FBXL20: variants seen among roughly 807,000 people sequenced by gnomAD.
FBXL20 encodes the protein F-box and leucine rich repeat protein 20.
Under a neutral mutation model 64.0 loss-of-function variants are expected in FBXL20, and 11 were observed. That is an observed-to-expected ratio of 0.17 (90% CI 0.11 to 0.28). FBXL20 has a LOEUF of 0.28. Among genes scored for constraint, FBXL20 ranks in the 10% least tolerant of loss-of-function variants. The pLI, the probability that FBXL20 is intolerant of heterozygous loss-of-function variation, is 1.00. For synonymous variants in FBXL20, 184 were observed against 189.0 expected (o/e 0.97, Z 0.22); for missense variants, 303 against 526.2 (o/e 0.58, Z 4.15).
At chr17:39,360,542 C>T (rs1453165155) in intron 1 of FBXL20, among the ~76,000 whole-genome samples, 2 of 152,106 alleles carry the variant, frequency 1.3e-5, no homozygotes, top group African/African-American at 4.8e-5. Flanking sequence ...CTTTTCTCTA[C>T]ATGGTTTGGG....
At chr17:39,388,717 C>CG (rs1466284536) in intron 1 of FBXL20, among the ~76,000 whole-genome samples, 1 of 150,852 alleles carries the variant, frequency 6.6e-6, no homozygotes, top group East Asian at 2.0e-4. Context: ...CTCTTGACCT[C>CG]GCGATCCACC....
intron 10 of FBXL20, among the ~76,000 whole-genome samples, chr17:39,273,069 C>T (rs1237360990): frequency 6.6e-6 from 1 of 152,110 alleles, no homozygotes; most frequent in Non-Finnish European, 1.5e-5. Flanking sequence ...GAGAGGGAGT[C>T]TCACTCTGCC....
At chr17:39,275,230 A>G (rs2046879173) in intron 9 of FBXL20, 130 bp from the exon 10 acceptor site, 1 of 949,914 alleles carries the variant, frequency 1.1e-6, no homozygotes, top group African/African-American at 1.7e-5. Flanking sequence ...TTCATCAGAT[A>G]GCAGACCTAA....
intron 2 of FBXL20, among the ~76,000 whole-genome samples, chr17:39,316,616 A>G (rs1178076856): frequency 6.6e-6 from 1 of 152,244 alleles, no homozygotes; most frequent in African/African-American, 2.4e-5. Context: ...AAACGAGAGC[A>G]ATGAATTACA....
chr17:39,282,920 A>C, intron 7 of FBXL20, 65 bp from the exon 8 acceptor site: 16 of 1,576,884 alleles, frequency 1.0e-5, no homozygotes, highest in Non-Finnish European at 1.3e-5. Context: ...CCAACGTCTC[A>C]ATTTATTGGC....
intron 2 of FBXL20, among the ~76,000 whole-genome samples, chr17:39,315,306 G>A (rs553178397): frequency 2.3e-4 from 35 of 151,360 alleles, no homozygotes; most frequent in Admixed American, 4.0e-4. Flanking sequence ...ATCTTTTCAC[G>A]TGCTTATTGA....
intron 1 of FBXL20, among the ~76,000 whole-genome samples, chr17:39,387,867 C>T (rs757031136): frequency 2.0e-5 from 3 of 152,080 alleles, no homozygotes; most frequent in Non-Finnish European, 4.4e-5. Flanking sequence ...CGTGAGTGAC[C>T]GCACCAGGCC....
intron 3 of FBXL20, among the ~76,000 whole-genome samples, chr17:39,302,523 G>A (rs760782930): frequency 5.9e-5 from 9 of 151,980 alleles, no homozygotes; most frequent in Admixed American, 4.6e-4. Flanking sequence ...ACAGGCATCC[G>A]CCTCCATGCC....
At chr17:39,325,873 G>T (rs1303199003) in intron 2 of FBXL20, among the ~76,000 whole-genome samples, 1 of 152,160 alleles carries the variant, frequency 6.6e-6, no homozygotes, top group Non-Finnish European at 1.5e-5. Flanking sequence ...GAAAAATCCT[G>T]ATATAGTTTG....
chr17:39,390,041 CAAT>C (rs1171051455), intron 1 of FBXL20, among the ~76,000 whole-genome samples: 1 of 152,060 alleles, frequency 6.6e-6, no homozygotes, highest in African/African-American at 2.4e-5. Flanking sequence ...ACAATGAGTA[CAAT>C]AATAGTTGCA....
chr17:39,271,839 T>C (rs1016821445), intron 10 of FBXL20, among the ~76,000 whole-genome samples: 1 of 152,156 alleles, frequency 6.6e-6, no homozygotes, highest in African/African-American at 2.4e-5. Flanking sequence ...CTGTGAAAAG[T>C]TGGGTGACCT....
intron 1 of FBXL20, among the ~76,000 whole-genome samples, chr17:39,391,111 C>CT (rs1327768162): frequency 6.6e-6 from 1 of 151,974 alleles, no homozygotes; most frequent in East Asian, 1.9e-4. Context: ...GTAAGTTCCT[C>CT]TAAAGCATTT....
In FBXL20 at chr17:39,392,653, G is replaced by C. The variant is rs188622570; in HGVS notation, c.42+8708C>G. Among the ~76,000 whole-genome samples, 50 of 152,176 alleles carry C rather than the reference G, an allele frequency of 3.3e-4. 1 individual carries two copies. The highest frequency in any genetic ancestry group is 3.4e-3 in the Middle Eastern group (1 of 294). On this transcript the variant is annotated intron_variant, in intron 1 of 14. Transcript: ENST00000264658. Reference sequence around the variant, plus strand: ...GCCACATATAATTCCTCACTCTGCAGATAGTAAGCCAAACATGAAGTGCCC... The same window carrying C: ...GCCACATATAATTCCTCACTCTGCACATAGTAAGCCAAACATGAAGTGCCC...
chr17:39,269,194 C>CT (rs556636525), intron 11 of FBXL20, among the ~76,000 whole-genome samples: 16 of 147,920 alleles, frequency 1.1e-4, no homozygotes, highest in African/African-American at 2.7e-4. Context: ...TATTTCTTTT[C>CT]TTTTTTTTTT....
intron 1 of FBXL20, among the ~76,000 whole-genome samples, chr17:39,396,071 G>GAAA (rs71300072): frequency 5.5e-5 from 6 of 108,954 alleles, no homozygotes; most frequent in Non-Finnish European, 1.1e-4. Flanking sequence ...AAGACTTTTC[G>GAAA]AAAAAAAAAA....
At chr17:39,393,723 T>C (rs922418770) in intron 1 of FBXL20, among the ~76,000 whole-genome samples, 2 of 152,210 alleles carry the variant, frequency 1.3e-5, no homozygotes, top group African/African-American at 4.8e-5. Context: ...GTTACTTACT[T>C]AGAGCTATAA....
Position 39,259,977 on chromosome 17 carries a change from G to A in FBXL20, c.*1483C>T, listed in dbSNP as rs991563957. On this transcript the variant is annotated 3_prime_UTR_variant, in exon 15 of 15. Coordinates refer to ENST00000264658, the MANE Select transcript of FBXL20 (RefSeq NM_032875.3). The stretch of plus-strand genomic sequence containing the variant: ...CCAGTCTGGGCAAGAGTGAGAACCC[G>A]TCTTAAAAAAAAAAAAAAAAAAAAA... 1.8e-5 allele frequency: 2 copies of A among 112,702 alleles called. No homozygotes were observed. Among genetic ancestry groups the A allele is most frequent in the Non-Finnish European group, 3.4e-5 (2 of 59,406 alleles). The allele number at this position is 112,702 out of a possible 1,614,324, so 7.0% of individuals were successfully genotyped here.
chr17:39,367,896 TG>T (rs1239422230), intron 1 of FBXL20, among the ~76,000 whole-genome samples: 1 of 151,878 alleles, frequency 6.6e-6, no homozygotes, highest in Non-Finnish European at 1.5e-5. Context: ...CCGGAGTAGC[TG>T]GAACTACAGG....
intron 1 of FBXL20, among the ~76,000 whole-genome samples, chr17:39,377,212 T>G (rs2047975659): frequency 6.6e-6 from 1 of 152,160 alleles, no homozygotes; most frequent in Admixed American, 6.5e-5. Context: ...ATGGATCAGC[T>G]GGCACCACCC....
Sources: allele counts gnomAD v4.1 joint callset (sites outside exome capture counted in the v4.1 genomes callset), GRCh38; gene constraint gnomAD v4.1.1; transcripts MANE v1.5; gene names NCBI Gene and HGNC (gene_info 2026-07-23, HGNC 2026-07-21).